ZNF704: variants seen among roughly 807,000 people sequenced by gnomAD.
ZNF704 encodes zinc finger protein 704, also known as glucocorticoid induced gene 1.
ZNF704 carries 10 observed loss-of-function variants against 44.7 expected under a neutral mutation model. That is an observed-to-expected ratio of 0.22 (90% CI 0.14 to 0.38). The LOEUF is 0.38. Ranked by LOEUF, ZNF704 falls within the 10% of genes least tolerant of loss-of-function variation. ZNF704 has a pLI of 1.00. For missense variants in ZNF704, 390 were observed against 545.5 expected (o/e 0.71, Z 2.84); for synonymous variants, 211 against 207.6 (o/e 1.02, Z -0.14).
At chr8:80,828,071 T>C (rs1007328773) in intron 1 of ZNF704, among the ~76,000 whole-genome samples, 7 of 152,268 alleles carry the variant, frequency 4.6e-5, no homozygotes, top group East Asian at 1.9e-4. Flanking sequence ...AAAGCCATAA[T>C]TGACAAATGG....
chr8:80,731,338 T>A (rs1294159829), intron 2 of ZNF704, among the ~76,000 whole-genome samples: 1 of 152,216 alleles, frequency 6.6e-6, no homozygotes, highest in Admixed American at 6.5e-5. Context: ...AATTAACTCC[T>A]GCTGATATAA....
At chr8:80,841,814 G>C (rs2129966920) in intron 1 of ZNF704, among the ~76,000 whole-genome samples, 1 of 152,166 alleles carries the variant, frequency 6.6e-6, no homozygotes, top group East Asian at 1.9e-4. Flanking sequence ...TCTAGAGAAA[G>C]GGTCTCGCTC....
chr8:80,815,710 T>G (rs28463686), intron 2 of ZNF704, among the ~76,000 whole-genome samples: 4,802 of 152,352 alleles, frequency 0.032, 263 homozygotes, highest in African/African-American at 0.11. Context: ...TATGTGTTTC[T>G]GGGTGAGTCA....
chr8:80,869,107 G>C (rs1809206012), intron 1 of ZNF704, among the ~76,000 whole-genome samples: 1 of 152,158 alleles, frequency 6.6e-6, no homozygotes, highest in South Asian at 2.1e-4. Flanking sequence ...TAACAATAAT[G>C]CCTGACTCGA....
In ZNF704 at chr8:80,730,595, G is replaced by A. The variant is rs188873140; in HGVS notation, c.222-37488C>T. On this transcript the variant is annotated intron_variant, in intron 2 of 8. Coordinates refer to ENST00000327835, the MANE Select transcript of ZNF704 (RefSeq NM_001033723.3). ...TTGTGCATTAGTTAATTGTGGTCACGGGTGATAAAGTATAATAATTACCAA... is the reference window on the plus strand; with the variant it reads ...TTGTGCATTAGTTAATTGTGGTCACAGGTGATAAAGTATAATAATTACCAA... Among the ~76,000 whole-genome samples, 430 of 149,456 alleles carry A rather than the reference G, an allele frequency of 2.9e-3. 1 individual carries two copies. The highest frequency in any genetic ancestry group is 0.017 in the Admixed American group (259 of 14,970).
At chr8:80,764,071 T>A (rs1290682812) in intron 2 of ZNF704, among the ~76,000 whole-genome samples, 2 of 152,218 alleles carry the variant, frequency 1.3e-5, no homozygotes, top group African/African-American at 4.8e-5. Context: ...TTCCCACATT[T>A]TCCTGTCTTC....
chr8:80,686,839 T>A (rs1010833596), intron 4 of ZNF704, among the ~76,000 whole-genome samples: 1 of 152,022 alleles, frequency 6.6e-6, no homozygotes, highest in Non-Finnish European at 1.5e-5. Context: ...TCAGGGCTGA[T>A]TGAGAAAAGA....
intron 7 of ZNF704, among the ~76,000 whole-genome samples, chr8:80,647,305 C>G (rs1469905257): frequency 6.6e-6 from 1 of 152,080 alleles, no homozygotes; most frequent in African/African-American, 2.4e-5. Flanking sequence ...AGGAGGTTAC[C>G]TTTCACCTAC....
chr8:80,761,707 A>G (rs1807134273), intron 2 of ZNF704, among the ~76,000 whole-genome samples: 1 of 152,254 alleles, frequency 6.6e-6, no homozygotes, highest in Admixed American at 6.5e-5. Context: ...TAATATACAG[A>G]TATTTGTAAG....
At chr8:80,739,830 C>T (rs1332920517) in intron 2 of ZNF704, among the ~76,000 whole-genome samples, 52 of 152,186 alleles carry the variant, frequency 3.4e-4, no homozygotes, top group Admixed American at 6.5e-5. Flanking sequence ...GCCGCCCCCT[C>T]GTCCATGTCC....
chr8:80,819,517 A>G (rs1322200513), intron 2 of ZNF704, among the ~76,000 whole-genome samples: 2 of 151,910 alleles, frequency 1.3e-5, no homozygotes, highest in African/African-American at 2.4e-5. Context: ...TTAAACTGAC[A>G]CTAGAAGTCT....
intron 1 of ZNF704, among the ~76,000 whole-genome samples, chr8:80,829,999 T>C (rs1362805131): frequency 2.0e-5 from 3 of 152,228 alleles, no homozygotes; most frequent in Admixed American, 6.5e-5. Flanking sequence ...TATATCACTA[T>C]GCTTTAAAGC....
chr8:80,690,444 T>C (rs2131634805), intron 3 of ZNF704, among the ~76,000 whole-genome samples: 1 of 152,338 alleles, frequency 6.6e-6, no homozygotes, highest in African/African-American at 2.4e-5. Context: ...AATTTTTTAT[T>C]TTTTAGAGTT....
chr8:80,751,469 T>G (rs1039211906), intron 2 of ZNF704, among the ~76,000 whole-genome samples: 1 of 152,230 alleles, frequency 6.6e-6, no homozygotes, highest in Non-Finnish European at 1.5e-5. Context: ...AGGCAAGCAC[T>G]GTTTCAGGTG....
chr8:80,859,437 T>C (rs1234429167), intron 1 of ZNF704, among the ~76,000 whole-genome samples: 2 of 152,160 alleles, frequency 1.3e-5, no homozygotes, highest in African/African-American at 4.8e-5. Context: ...GGAAAGCAAG[T>C]GTTGGAGTAA....
chr8:80,629,776 G>C lies in ZNF704; in HGVS notation c.*11590C>G, dbSNP rs1817554557. Reference sequence around the variant, plus strand: ...TTGAAGAATATTTTTTTCTGGGATTGAGAATTAAACCCAGCAGATAAAACC... The same window carrying C: ...TTGAAGAATATTTTTTTCTGGGATTCAGAATTAAACCCAGCAGATAAAACC... On this transcript the variant is annotated 3_prime_UTR_variant, in exon 9 of 9. Coordinates refer to ENST00000327835, the MANE Select transcript of ZNF704 (RefSeq NM_001033723.3). 6.6e-6 allele frequency: 1 copy of C among 152,098 alleles called. No homozygotes were observed. The highest frequency in any genetic ancestry group is 2.4e-5 in the African/African-American group (1 of 41,432). 9.4% of individuals were successfully genotyped at this position (152,098 alleles called of 1,614,324 possible).
intron 7 of ZNF704, among the ~76,000 whole-genome samples, chr8:80,657,523 T>C (rs1301557075): frequency 1.3e-5 from 2 of 152,022 alleles, no homozygotes; most frequent in African/African-American, 2.4e-5. Flanking sequence ...GAAACCCCCG[T>C]ATCTACTAAA....
intron 1 of ZNF704, among the ~76,000 whole-genome samples, chr8:80,856,270 C>A (rs1207361651): frequency 1.3e-5 from 2 of 152,066 alleles, no homozygotes; most frequent in Non-Finnish European, 2.9e-5. Flanking sequence ...CTGTTCAATT[C>A]TTGATAAACA....
intron 2 of ZNF704, among the ~76,000 whole-genome samples, chr8:80,762,231 C>T (rs1807144198): frequency 6.6e-6 from 1 of 152,112 alleles, no homozygotes; most frequent in South Asian, 2.1e-4. Context: ...TGTGAAGGGG[C>T]AGAAGTCATA....
Sources: gnomAD v4.1 joint callset for allele counts (sites outside exome capture counted in the v4.1 genomes callset) on GRCh38, gnomAD v4.1.1 for gene constraint, MANE v1.5 for transcripts, NCBI Gene and HGNC (gene_info 2026-07-23, HGNC 2026-07-21) for gene names.